Variants in KLHL28 observed in about 807,000 individuals in gnomAD.
The protein encoded by KLHL28 is kelch like family member 28.
Under a neutral mutation model 48.3 loss-of-function variants are expected in KLHL28, and 22 were observed. That is an observed-to-expected ratio of 0.46 (90% CI 0.33 to 0.65). KLHL28 has a LOEUF of 0.65. KLHL28 is among the 30% of genes least tolerant of loss of function. The probability of loss-of-function intolerance (pLI) is 0.03; values close to 1 mark genes in which losing one functional copy is unlikely to be tolerated. For synonymous variants in KLHL28, 243 were observed against 242.4 expected, an observed-to-expected ratio of 1.00 and a Z score of -0.02; for missense variants, 527 against 704.3, an observed-to-expected ratio of 0.75 and a Z score of 2.85.
chr14:44,958,470 T>C (rs1378642951), intron 1 of KLHL28, among the ~76,000 whole-genome samples: 1 of 152,148 alleles, frequency 6.6e-6, no homozygotes, highest in South Asian at 2.1e-4. Flanking sequence ...GAGAATATTC[T>C]ATCACATCTG....
Position 44,925,357 on chromosome 14 carries a change from A to G in KLHL28, c.*3671T>C, listed in dbSNP as rs1359792912. 2.0e-5 allele frequency: 3 copies of G among 152,142 alleles called. No individual in the cohort carries two copies. Among genetic ancestry groups the G allele is most frequent in the Admixed American group, 2.0e-4 (3 of 15,274 alleles). The allele number at this position is 152,142 out of a possible 1,614,324, so 9.4% of individuals were successfully genotyped here. ...ACTACAGGAAATATATATATTTAAA[A>G]TTTCTATAGTTTTCTTACTAGAAAA... On this transcript the variant is annotated 3_prime_UTR_variant, in exon 5 of 5. Transcript: ENST00000396128.
rs1883437270 is a variant in KLHL28 at position 44,928,142 on chromosome 14, TAAA to T, written c.*883_*885del. 2.0e-5 allele frequency: 3 copies of T among 152,490 alleles called. No homozygotes were observed. The South Asian group carries it at 6.2e-4, about 32-fold the overall frequency. 9.4% of individuals were successfully genotyped at this position (152,490 alleles called of 1,614,324 possible). A position where few individuals can be genotyped will look rare whatever the true frequency, so the allele number is the denominator to read the frequency against. ...GAACACTTTGAAAAAGCAAAGATCT[TAAA>T]AAACTAAAATTATAAGGATATATAA... On this transcript the variant is annotated 3_prime_UTR_variant, in exon 5 of 5. Transcript: ENST00000396128.
At chr14:44,955,615 AG>A (rs1594585695) in intron 1 of KLHL28, among the ~76,000 whole-genome samples, 1 of 152,136 alleles carries the variant, frequency 6.6e-6, no homozygotes, top group East Asian at 1.9e-4. Context: ...GTCTCTACAA[AG>A]AAAAAAAACA....
intron 2 of KLHL28, among the ~76,000 whole-genome samples, chr14:44,935,797 G>A (rs1481072003): frequency 1.4e-5 from 2 of 146,718 alleles, no homozygotes; most frequent in Non-Finnish European, 3.0e-5. Flanking sequence ...TGGTTGATAG[G>A]TACTTCAGTA....
Position 44,928,838 on chromosome 14 carries a change from A to T in KLHL28, c.*190T>A. ...TTCTCTTTTTTCTTTTTGATTATTG[A>T]TTTACTGTGTAATCAAGAGCAACCA... On this transcript the variant is annotated 3_prime_UTR_variant, in exon 5 of 5. Transcript: ENST00000396128. 9.1e-6 allele frequency: 4 copies of T among 440,186 alleles called. No individual in the cohort carries two copies. The highest frequency in any genetic ancestry group is 1.6e-5 in the Non-Finnish European group (4 of 249,020). 27.3% of individuals were successfully genotyped at this position (440,186 alleles called of 1,614,324 possible).
intron 2 of KLHL28, among the ~76,000 whole-genome samples, chr14:44,935,484 T>C (rs1463629323): frequency 6.6e-6 from 1 of 152,134 alleles, no homozygotes; most frequent in Non-Finnish European, 1.5e-5. Context: ...TAAAGTATAT[T>C]ATGCTCATAC....
rs1207585931 is a variant in KLHL28, at chr14:44,942,161, A to G, written c.899+2869T>C. ...TCCCCTGAAAGTGGCTTCTCCTCCC[A>G]TATTCTCTCTCTCTCTGCATATATG... On this transcript the variant is annotated intron_variant, in intron 2 of 4. Transcript: ENST00000396128. Among the ~76,000 whole-genome samples the G allele has an allele frequency of 2.6e-5, 4 of 152,184 alleles. No individual in the cohort carries two copies. The East Asian group carries it at 7.7e-4, about 29-fold the overall frequency.
intron 1 of KLHL28, among the ~76,000 whole-genome samples, chr14:44,957,719 A>C (rs1884853116): frequency 6.6e-6 from 1 of 152,182 alleles, no homozygotes; most frequent in Non-Finnish European, 1.5e-5. Flanking sequence ...TTACAGATAA[A>C]GAAATGTGAG....
At chr14:44,935,890 G>GTATATATATATATTTATATATATATA (rs139707349) in intron 2 of KLHL28, among the ~76,000 whole-genome samples, 1 of 59,094 alleles carries the variant, frequency 1.7e-5, no homozygotes, top group Admixed American at 2.5e-4. Context: ...ATATATGTGT[G>GTATATATATATATTTATATATATATA]TATATATATA....
intron 1 of KLHL28, among the ~76,000 whole-genome samples, chr14:44,951,108 C>A (rs10152101): frequency 0.15 from 23,148 of 152,228 alleles, 3,279 homozygotes; most frequent in African/African-American, 0.38. Context: ...GGGCTGGCCC[C>A]ATGAAAACTA....
At chr14:44,946,287 A>G (rs1298835553) in intron 1 of KLHL28, among the ~76,000 whole-genome samples, 1 of 152,210 alleles carries the variant, frequency 6.6e-6, no homozygotes, top group Non-Finnish European at 1.5e-5. Context: ...TAAAATGAAA[A>G]TATGAGGGGA....
chr14:44,953,396 C>T (rs983376889), intron 1 of KLHL28, among the ~76,000 whole-genome samples: 2 of 152,102 alleles, frequency 1.3e-5, no homozygotes, highest in East Asian at 1.9e-4. Flanking sequence ...GTCCCCAATG[C>T]GGTAGTATTG....
chr14:44,932,934 C>A (rs1421915805), intron 3 of KLHL28, among the ~76,000 whole-genome samples: 5 of 152,162 alleles, frequency 3.3e-5, no homozygotes, highest in Non-Finnish European at 7.3e-5. Flanking sequence ...CTTTCTCAGT[C>A]AACAAACCTC....
At chr14:44,933,084 CTA>C (rs1278656577) in intron 3 of KLHL28, among the ~76,000 whole-genome samples, 3 of 152,086 alleles carry the variant, frequency 2.0e-5, no homozygotes, top group African/African-American at 7.2e-5. Context: ...TAAATCATCT[CTA>C]GATTACTTAT....
chr14:44,954,266 A>G (rs956107303), intron 1 of KLHL28, among the ~76,000 whole-genome samples: 1 of 152,164 alleles, frequency 6.6e-6, no homozygotes, highest in Admixed American at 6.5e-5. Context: ...TGACCCAAAA[A>G]CCCTACTTCT....
chr14:44,960,203 C>A (rs996743937), intron 1 of KLHL28, among the ~76,000 whole-genome samples: 2 of 152,192 alleles, frequency 1.3e-5, no homozygotes, highest in Non-Finnish European at 2.9e-5. Flanking sequence ...AGGAAAAGGG[C>A]ATGATAACTG....
intron 2 of KLHL28, among the ~76,000 whole-genome samples, chr14:44,940,321 T>TTTAAACTA (rs1430513953): frequency 6.6e-6 from 1 of 152,202 alleles, no homozygotes; most frequent in Non-Finnish European, 1.5e-5. Flanking sequence ...GAGGGACACA[T>TTTAAACTA]TTAAACTATA....
At chr14:44,938,095 C>A (rs1044785176) in intron 2 of KLHL28, among the ~76,000 whole-genome samples, 12 of 152,064 alleles carry the variant, frequency 7.9e-5, no homozygotes, top group Non-Finnish European at 1.6e-4. Flanking sequence ...AATTCCATCC[C>A]AATAGCCCCA....
At chr14:44,958,145 C>T (rs925358785) in intron 1 of KLHL28, among the ~76,000 whole-genome samples, 7 of 148,144 alleles carry the variant, frequency 4.7e-5, no homozygotes, top group African/African-American at 1.2e-4. Context: ...TAGTCAATAT[C>T]GAATAAAAAG....
Sources: allele counts gnomAD v4.1 joint callset (sites outside exome capture counted in the v4.1 genomes callset), GRCh38; gene constraint gnomAD v4.1.1; transcripts MANE v1.5; gene names NCBI Gene and HGNC (gene_info 2026-07-23, HGNC 2026-07-21).